The following ABCA13 variants were observed in gnomAD, a reference collection of about 807,000 sequenced individuals.
ABCA13 encodes ATP-binding cassette sub-family A member 13.
Under a neutral mutation model 478.7 loss-of-function variants are expected in ABCA13, and 476 were observed. That is an observed-to-expected ratio of 0.99 (90% confidence interval 0.92 to 1.07). ABCA13 has a LOEUF of 1.07. Ranked by LOEUF, ABCA13 falls within the 50% of genes least tolerant of loss-of-function variation. The probability of loss-of-function intolerance (pLI) is 0.00; values close to 1 mark genes in which losing one functional copy is unlikely to be tolerated. For missense variants in ABCA13, 6,060 were observed against 5,910.6 expected, an observed-to-expected ratio of 1.03 and a Z score of -0.83; for synonymous variants, 2,252 against 2,158.9, an observed-to-expected ratio of 1.04 and a Z score of -1.20.
chr7:48,606,735 G>T (rs957817616), intron 58 of ABCA13, among the ~76,000 whole-genome samples: 1 of 152,192 alleles, frequency 6.6e-6, no homozygotes, highest in East Asian at 1.9e-4. Flanking sequence ...ATCGGAGCTC[G>T]AACACTGTGC....
chr7:48,245,525 C>T lies in ABCA13; in HGVS notation c.1404C>T (p.Cys468=). Residue 468 remains cysteine (C), a synonymous_variant, in exon 12 of 62, where the codon TGC becomes TGT. Transcript: ENST00000435803. ...NLHFVQEVLI[C]LETSANDFKW... is the part of the protein sequence containing the mutation. ...TCTACTTTGCAGAAGTCCTCATTTG[C>T]CTGGAGACATCAGCTAATGATTTTA... 1 of 1,611,276 alleles carries T rather than the reference C, an allele frequency of 6.2e-7. No homozygotes were observed. Among genetic ancestry groups the T allele is most frequent in the East Asian group, 2.2e-5 (1 of 44,792 alleles).
At chr7:48,183,137 A>G (rs1795915582) in intron 1 of ABCA13, among the ~76,000 whole-genome samples, 1 of 152,188 alleles carries the variant, frequency 6.6e-6, no homozygotes, top group African/African-American at 2.4e-5. Context: ...CTCTTCTCTC[A>G]GCCAACGAGA....
At chr7:48,335,936 T>C (rs1048386975) in intron 28 of ABCA13, among the ~76,000 whole-genome samples, 17 of 152,190 alleles carry the variant, frequency 1.1e-4, no homozygotes, top group Admixed American at 3.3e-4. Context: ...TCCATTAGAG[T>C]CTGACAATCA....
At chr7:48,259,595 C>T (rs936943417) in intron 15 of ABCA13, among the ~76,000 whole-genome samples, 1 of 151,902 alleles carries the variant, frequency 6.6e-6, no homozygotes, top group South Asian at 2.1e-4. Flanking sequence ...TAGTTTTAGC[C>T]TGTTTACATT....
chr7:48,544,656 A>G (rs1002738873), intron 55 of ABCA13, among the ~76,000 whole-genome samples: 18 of 151,716 alleles, frequency 1.2e-4, no homozygotes, highest in African/African-American at 3.9e-4. Flanking sequence ...ACATCTTTTC[A>G]TTTCTATCTT....
In ABCA13 at chr7:48,587,175, C is replaced by A. The variant is rs61737750; in HGVS notation, c.14527C>A (p.Arg4843Ser). ...CCAGGTTGCTGGAGACCTCATCAGG[C>A]GCTTACACCTCGAAGCCCACGCGGA... The part of the protein sequence containing the change: ...IPEVAGDLIR[R>S]LHLEAHADKP... The change falls in exon 57 of 62, where the codon CGC becomes AGC. Residue 4843 changes from arginine to serine, a missense_variant. Arg to Ser is a moderately radical substitution (Grantham distance 110, BLOSUM62 -1). Coordinates refer to ENST00000435803, the MANE Select transcript of ABCA13 (RefSeq NM_152701.5). 1.9e-6 allele frequency: 3 copies of A among 1,613,070 alleles called. No homozygotes were observed. The highest frequency in any genetic ancestry group is 2.5e-6 in the Non-Finnish European group (3 of 1,179,572).
chr7:48,517,041 C>CA (rs1295710335), intron 52 of ABCA13, among the ~76,000 whole-genome samples, 160 bp downstream of exon 52: 1 of 152,106 alleles, frequency 6.6e-6, no homozygotes, highest in Non-Finnish European at 1.5e-5. Context: ...TTCTAATTAA[C>CA]AAAAAACACA....
At position 48,269,099 on chromosome 7, in the gene ABCA13, G is replaced by C; in HGVS notation, c.2120+5G>C. The C allele has an allele frequency of 6.8e-7, 1 of 1,477,868 alleles. No individual in the cohort carries two copies. Among genetic ancestry groups the C allele is most frequent in the Non-Finnish European group, 9.4e-7 (1 of 1,060,786 alleles). The allele number at this position is 1,477,868 out of a possible 1,614,324, so 91.5% of individuals were successfully genotyped here. On this transcript the variant is annotated splice_donor_5th_base_variant and intron_variant, in intron 16 of 61. Transcript: ENST00000435803. ...TCCAACAGCTTCCATATCCAGGTAAGTTATCAGAATCCAACTTCTAGGTCT... is the reference window on the plus strand; with the variant it reads ...TCCAACAGCTTCCATATCCAGGTAACTTATCAGAATCCAACTTCTAGGTCT...
At chr7:48,243,623 G>C (rs1051638515) in intron 10 of ABCA13, among the ~76,000 whole-genome samples, 2 of 152,172 alleles carry the variant, frequency 1.3e-5, no homozygotes, top group Non-Finnish European at 2.9e-5. Flanking sequence ...TACCCTTTAC[G>C]GTGCTTGGGT....
intron 38 of ABCA13, among the ~76,000 whole-genome samples, chr7:48,394,373 G>A (rs535286094): frequency 1.3e-5 from 2 of 152,222 alleles, no homozygotes; most frequent in Admixed American, 6.5e-5. Flanking sequence ...CAGGCCCTTC[G>A]CTGCGTTCGT....
chr7:48,327,170 T>G (rs1342319466), intron 27 of ABCA13, among the ~76,000 whole-genome samples: 2 of 152,208 alleles, frequency 1.3e-5, no homozygotes, highest in African/African-American at 2.4e-5. Flanking sequence ...GAAAGAGGTT[T>G]AATTGACTCA....
chr7:48,515,734 C>T (rs1405860957), intron 51 of ABCA13, among the ~76,000 whole-genome samples: 1 of 152,130 alleles, frequency 6.6e-6, no homozygotes, highest in East Asian at 1.9e-4. Flanking sequence ...ACAGATGGTA[C>T]CCCCTGTGCA....
Position 48,352,430 on chromosome 7 carries a change from C to A in ABCA13, c.10631C>A (p.Ala3544Asp), listed in dbSNP as rs569366797. 1 of 1,613,074 alleles carries A rather than the reference C, an allele frequency of 6.2e-7. No homozygotes were observed. The highest frequency in any genetic ancestry group is 1.1e-5 in the South Asian group (1 of 90,980). The change falls in exon 31 of 62, where the codon GCC becomes GAC. Residue 3544 changes from alanine (A) to aspartate (D), a missense_variant. By Grantham distance (126) the Ala-to-Asp change is moderately radical. Coordinates refer to ENST00000435803, the MANE Select transcript of ABCA13 (RefSeq NM_152701.5). ...AIILVQTGQEALEPAAQTQAA... is the reference protein window; with the variant it reads ...AIILVQTGQEDLEPAAQTQAA... ...ATTTTGGTGCAGACTGGGCAGGAAG[C>A]CCTGGAACCAGCAGCACAGACTCAG...
intron 3 of ABCA13, among the ~76,000 whole-genome samples, chr7:48,203,570 A>G (rs1784509740): frequency 6.6e-6 from 1 of 152,242 alleles, no homozygotes; most frequent in Admixed American, 6.5e-5. Flanking sequence ...GGTTATGAAA[A>G]TCAGCTTCCT....
chr7:48,245,916 CT>C lies in ABCA13; in HGVS notation c.1550del (p.Leu517CysfsTer27). The C allele has an allele frequency of 6.2e-7, 1 of 1,613,626 alleles. No homozygotes were observed. The highest frequency in any genetic ancestry group is 8.5e-7 in the Non-Finnish European group (1 of 1,179,754). ...ATGGTCGTTTCTCTGAGAAGGAGGT[CT>C]TTTTGCCGCCTGGAAACTCCAGCAT... ...PNGRFSEKEV[F>X]LPPGNSSIWG... On this transcript the variant is annotated frameshift_variant, in exon 13 of 62. Coordinates refer to ENST00000435803, the MANE Select transcript of ABCA13 (RefSeq NM_152701.5). LOFTEE classifies it high-confidence loss of function.
chr7:48,196,386 A>G (rs1338491737), intron 2 of ABCA13, among the ~76,000 whole-genome samples: 2 of 152,136 alleles, frequency 1.3e-5, no homozygotes, highest in Non-Finnish European at 2.9e-5. Flanking sequence ...GGGGCTCAAG[A>G]GTCAAAATTG....
At chr7:48,512,726 C>G (rs1338772205) in intron 51 of ABCA13, among the ~76,000 whole-genome samples, 1 of 150,424 alleles carries the variant, frequency 6.6e-6, no homozygotes, top group Non-Finnish European at 1.5e-5. Flanking sequence ...ATTGTGAAAC[C>G]CTTTAAGAAT....
chr7:48,627,687 G>A (rs1793789330), intron 59 of ABCA13, among the ~76,000 whole-genome samples: 2 of 152,180 alleles, frequency 1.3e-5, no homozygotes, highest in Middle Eastern at 3.2e-3. Context: ...CAGAGACTGG[G>A]TAGTTTATAA....
In ABCA13 at chr7:48,229,947, C is replaced by A; in HGVS notation, c.755C>A (p.Ala252Glu). 6.2e-7 allele frequency: 1 copy of A among 1,613,786 alleles called. No homozygotes were observed. Among genetic ancestry groups the A allele is most frequent in the Non-Finnish European group, 8.5e-7 (1 of 1,179,764 alleles). The change falls in exon 7 of 62, where the codon GCA becomes GAA. Residue 252 changes from alanine (A) to glutamate (E), a missense_variant. By Grantham distance (107) the Ala-to-Glu change is moderately radical. Transcript: ENST00000435803. ...TLTFLQQHGVAVTEPVYHLSM... is the reference protein window; with the variant it reads ...TLTFLQQHGVEVTEPVYHLSM... ...ACATTTCTGCAGCAACATGGAGTAG[C>A]AGTCACCGGTATGGGTGCCTTGTAG...
Sources: allele counts gnomAD v4.1 joint callset (sites outside exome capture counted in the v4.1 genomes callset), GRCh38; gene constraint gnomAD v4.1.1; transcripts MANE v1.5; gene names NCBI Gene and HGNC (gene_info 2026-07-23, HGNC 2026-07-21).